Variants in CCDC66 observed in about 807,000 individuals in gnomAD.
The protein encoded by CCDC66 is coiled-coil domain containing 66.
Under a neutral mutation model 128.3 loss-of-function variants are expected in CCDC66, and 133 were observed. The ratio of observed to expected loss-of-function variants is 1.04; its 90% confidence interval spans 0.90 to 1.20. The LOEUF is 1.20. CCDC66 is among the 50% of genes most tolerant of loss of function. CCDC66 has a pLI of 0.00. For synonymous variants in CCDC66, 387 were observed against 357.0 expected, an observed-to-expected ratio of 1.08 and a Z score of -0.95; for missense variants, 1,126 against 1,075.5, an observed-to-expected ratio of 1.05 and a Z score of -0.66.
At chr3:56,610,054 GC>G (rs925974037) in intron 10 of CCDC66, among the ~76,000 whole-genome samples, 12 of 152,166 alleles carry the variant, frequency 7.9e-5, no homozygotes, top group Non-Finnish European at 1.6e-4. Context: ...CTGTGCCTAG[GC>G]AGAGATCTTT....
rs561403704 is a variant in CCDC66, at chr3:56,577,829, G to C, written c.936+6527G>C. Among the ~76,000 whole-genome samples the C allele has an allele frequency of 2.6e-5, 4 of 151,962 alleles. No homozygotes were observed. The East Asian group carries it at 7.9e-4, about 30-fold the overall frequency. ...CTGCTTTGGTTATGGTAACCTTGTA[G>C]TGTAGTTTGAAGTGAGACAGCATGA... is the stretch of plus-strand genomic sequence containing the variant. On this transcript the variant is annotated intron_variant, in intron 7 of 17. Transcript: ENST00000394672.
intron 17 of CCDC66, 164 bp from the exon 18 acceptor site, chr3:56,621,368 T>G (rs1234470197): frequency 6.6e-6 from 3 of 453,816 alleles, no homozygotes; most frequent in Non-Finnish European, 1.2e-5. Context: ...TAGCTATATA[T>G]CCAAATGAGG....
intron 3 of CCDC66, 114 bp from the exon 4 acceptor site, chr3:56,563,570 C>T: frequency 1.3e-6 from 1 of 763,060 alleles, no homozygotes; most frequent in South Asian, 2.0e-5. Flanking sequence ...GTTATATTAC[C>T]TAAATAGCAA....
chr3:56,575,341 G>A (rs2067213775), intron 7 of CCDC66, among the ~76,000 whole-genome samples: 1 of 151,822 alleles, frequency 6.6e-6, no homozygotes, highest in African/African-American at 2.4e-5. Flanking sequence ...CCAATGATTA[G>A]TGATGTGGAA....
At chr3:56,615,802 A>C (rs1320076296) in intron 12 of CCDC66, 120 bp from the exon 13 acceptor site, 6 of 780,568 alleles carry the variant, frequency 7.7e-6, no homozygotes, top group African/African-American at 3.7e-5. Flanking sequence ...TTTTGTAAGA[A>C]AATTTTTATT....
intron 7 of CCDC66, among the ~76,000 whole-genome samples, chr3:56,573,258 A>T: frequency 6.6e-6 from 1 of 152,344 alleles, no homozygotes; most frequent in East Asian, 1.9e-4. Flanking sequence ...TATTTTGTAT[A>T]TATTTTTTAA....
Position 56,597,777 on chromosome 3 carries a change from G to GTTTTTTTTTTTTTTTT in CCDC66, c.1404+3764_1404+3765insTTTTTTTTTTTTTTTT, listed in dbSNP as rs3064563. Among the ~76,000 whole-genome samples, 32 of 87,956 alleles carry GTTTTTTTTTTTTTTTT rather than the reference G, an allele frequency of 3.6e-4. 3 individuals carry two copies. The highest frequency in any genetic ancestry group is 1.2e-3 in the South Asian group (2 of 1,614). 57.7% of individuals were successfully genotyped at this position (87,956 alleles called of 152,430 possible). On this transcript the variant is annotated intron_variant, in intron 10 of 17. Coordinates refer to ENST00000394672, the MANE Select transcript of CCDC66 (RefSeq NM_001141947.3). ...TGTGGAGTCTAGGTTTTGTTTTGGGGTTTTTTTTTTTTTTTGAGACAGAGC... is the reference window on the plus strand; with the variant it reads ...TGTGGAGTCTAGGTTTTGTTTTGGGGTTTTTTTTTTTTTTTTTTTTTTTTTTTTTTTGAGACAGAGC...
rs772816378 is a variant in CCDC66 at position 56,621,529 on chromosome 3, C to G, written c.2761-3C>G. The G allele has an allele frequency of 1.9e-6, 3 of 1,579,446 alleles. No individual in the cohort carries two copies. The highest frequency in any genetic ancestry group is 2.6e-6 in the Non-Finnish European group (3 of 1,162,958). ...TAACAAACATATATCAATGTGATTT[C>G]AGGGCCTTCTCCAGAAGCAAAAGGA... On this transcript the variant is annotated splice_polypyrimidine_tract_variant and splice_region_variant and intron_variant, in intron 17 of 17. Coordinates refer to ENST00000394672, the MANE Select transcript of CCDC66 (RefSeq NM_001141947.3).
intron 8 of CCDC66, 51 bp from the exon 9 acceptor site, chr3:56,593,440 A>T (rs748158525): frequency 3.2e-6 from 5 of 1,579,380 alleles, no homozygotes; most frequent in Non-Finnish European, 3.5e-6. Context: ...TTAGAATTAT[A>T]TATGAGAATA....
intron 10 of CCDC66, among the ~76,000 whole-genome samples, chr3:56,607,871 CT>C (rs2074284018): frequency 6.6e-6 from 1 of 152,104 alleles, no homozygotes; most frequent in African/African-American, 2.4e-5. Flanking sequence ...TTGTCTAATG[CT>C]TTTTCTGCAT....
chr3:56,613,897 G>A, intron 11 of CCDC66, 147 bp downstream of exon 11: 1 of 632,806 alleles, frequency 1.6e-6, no homozygotes, highest in South Asian at 2.0e-5. Context: ...CTTCCACCTT[G>A]GTCTCCTCAG....
intron 7 of CCDC66, chr3:56,572,410 A>C: frequency 1.6e-6 from 2 of 1,288,386 alleles, no homozygotes; most frequent in Non-Finnish European, 2.0e-6. Context: ...CACAACTTAG[A>C]GCTAGTCAGA....
chr3:56,621,274 C>A, intron 17 of CCDC66: 1 of 279,954 alleles, frequency 3.6e-6, no homozygotes, highest in Non-Finnish European at 6.6e-6. Flanking sequence ...CTTCATTTAC[C>A]CCCATAGTTA....
In CCDC66 at chr3:56,616,069, T is replaced by C. The variant is rs368518472; in HGVS notation, c.1843+16T>C. The C allele has an allele frequency of 1.5e-5, 23 of 1,573,598 alleles. No individual in the cohort carries two copies. Among genetic ancestry groups the C allele is most frequent in the African/African-American group, 2.8e-5 (2 of 72,650 alleles). ...GTGCAAACAGGTATTTGTGTGGAAA[T>C]TGTGGTTTGGTTTAAAATTTACTTA... On this transcript the variant is annotated intron_variant, in intron 13 of 17. Transcript: ENST00000394672.
chr3:56,615,118 A>G lies in CCDC66; in HGVS notation c.1567-10A>G, dbSNP rs147410213. 3.2e-5 allele frequency: 51 copies of G among 1,612,680 alleles called. No homozygotes were observed. In the East Asian group the frequency reaches 4.2e-4, roughly 13 times the overall value. ...AATAGATGAATTTAGTAACACATCA[A>G]TATTGACAGGAAATCATGACTCTCA... On this transcript the variant is annotated splice_polypyrimidine_tract_variant and intron_variant, in intron 11 of 17. Transcript: ENST00000394672.
At chr3:56,580,038 G>C (rs953458928) in intron 7 of CCDC66, among the ~76,000 whole-genome samples, 3 of 151,668 alleles carry the variant, frequency 2.0e-5, no homozygotes, top group Non-Finnish European at 4.4e-5. Context: ...TATTGTGTGG[G>C]AGTCTAAGTC....
rs60235683 is a variant in CCDC66, at chr3:56,557,250, TGGGGTAAGCA to T, written c.11+7_11+16del. On this transcript the variant is annotated splice_donor_variant and splice_donor_5th_base_variant and coding_sequence_variant and intron_variant, in exon 1 of 18. Transcript: ENST00000394672. LOFTEE classifies it high-confidence loss of function. ...AGAGTGCGAGGTCAGGCCATGAACT[TGGGGTAAGCA>T]GGGGTAAGCTGGGGTAAGCTGGGGT... The T allele has an allele frequency of 1.3e-5, 20 of 1,546,964 alleles. No homozygotes were observed. Among genetic ancestry groups the T allele is most frequent in the African/African-American group, 1.4e-5 (1 of 72,416 alleles).
chr3:56,604,683 A>G (rs1397851410), intron 10 of CCDC66, among the ~76,000 whole-genome samples: 1 of 151,756 alleles, frequency 6.6e-6, no homozygotes, highest in Non-Finnish European at 1.5e-5. Flanking sequence ...TTTGTGGGTA[A>G]CCCGACCTTT....
chr3:56,565,143 G>C (rs1213745981), intron 4 of CCDC66: 2 of 427,632 alleles, frequency 4.7e-6, no homozygotes, highest in South Asian at 1.7e-5. Context: ...GCTGGGCATA[G>C]AGACAATTCA....
Sources: allele counts gnomAD v4.1 joint callset (sites outside exome capture counted in the v4.1 genomes callset), GRCh38; gene constraint gnomAD v4.1.1; transcripts MANE v1.5; gene names NCBI Gene and HGNC (gene_info 2026-07-23, HGNC 2026-07-21).